The following CFAP20DC variants were observed in gnomAD, a reference collection of about 807,000 sequenced individuals.
CFAP20DC encodes the protein protein CFAP20DC.
CFAP20DC carries 84 observed loss-of-function variants against 101.7 expected under a neutral mutation model. That is an observed-to-expected ratio of 0.83 (90% confidence interval 0.69 to 0.99). The LOEUF is 0.99. CFAP20DC is among the 50% of genes least tolerant of loss of function. The probability of loss-of-function intolerance (pLI) is 0.00; values close to 1 mark genes in which losing one functional copy is unlikely to be tolerated. For synonymous variants in CFAP20DC, 359 were observed against 351.2 expected (o/e 1.02, Z -0.25); for missense variants, 1,007 against 970.3 (o/e 1.04, Z -0.50).
intron 14 of CFAP20DC, among the ~76,000 whole-genome samples, chr3:58,819,090 C>A (rs1240259204): frequency 6.7e-6 from 1 of 148,196 alleles, no homozygotes; most frequent in Non-Finnish European, 1.5e-5. Flanking sequence ...TCTTTGAAAC[C>A]AACGAGAACA....
At chr3:58,974,721 TGGAGGTTGTTAGGG>T (rs2092171220) in intron 4 of CFAP20DC, among the ~76,000 whole-genome samples, 1 of 152,038 alleles carries the variant, frequency 6.6e-6, no homozygotes, top group African/African-American at 2.4e-5. Context: ...GGTTTCCAGG[TGGAGGTTGTTAGGG>T]GGAGGGTGGT....
At chr3:58,906,287 ACACT>A (rs1280076098) in intron 6 of CFAP20DC, among the ~76,000 whole-genome samples, 11 of 152,302 alleles carry the variant, frequency 7.2e-5, no homozygotes, top group African/African-American at 2.4e-4. Flanking sequence ...TTGACCAAGG[ACACT>A]CAATTTGTCC....
intron 15 of CFAP20DC, among the ~76,000 whole-genome samples, chr3:58,800,389 G>T (rs1424856014): frequency 6.6e-6 from 1 of 152,190 alleles, no homozygotes; most frequent in Non-Finnish European, 1.5e-5. Flanking sequence ...GGACATTCAG[G>T]TGTATCAGAG....
intron 14 of CFAP20DC, among the ~76,000 whole-genome samples, chr3:58,817,833 A>C (rs1477518361): frequency 6.6e-6 from 1 of 152,022 alleles, no homozygotes; most frequent in Admixed American, 6.6e-5. Flanking sequence ...CAAGACACAT[A>C]ATTGTCAGAT....
At chr3:58,759,547 C>T (rs1233229260) in intron 15 of CFAP20DC, among the ~76,000 whole-genome samples, 2 of 152,190 alleles carry the variant, frequency 1.3e-5, no homozygotes, top group African/African-American at 2.4e-5. Flanking sequence ...AATTAGATCC[C>T]ATTTGTCAAT....
Position 59,033,107 on chromosome 3 carries a change from CCTGA to C in CFAP20DC, c.278+6446_278+6449del. ...CTCCAGCAGACCTGCAGCAGAGGGGCCTGACTGTTAGAAGAAAAACTAACAAGCA... is the reference window on the plus strand; with the variant it reads ...CTCCAGCAGACCTGCAGCAGAGGGGCCTGTTAGAAGAAAAACTAACAAGCA... On this transcript the variant is annotated intron_variant, in intron 4 of 16. Coordinates refer to ENST00000482387, the MANE Select transcript of CFAP20DC (RefSeq NM_001394063.1). 2.0e-5 allele frequency among the ~76,000 whole-genome samples: 3 copies of C among 152,196 alleles called. No homozygotes were observed. In the Middle Eastern group the frequency reaches 0.01, roughly 518 times the overall value.
At chr3:58,725,330 T>C (rs923082305) in intron 3 of CFAP20DC, among the ~76,000 whole-genome samples, 14 of 152,194 alleles carry the variant, frequency 9.2e-5, no homozygotes, top group African/African-American at 4.8e-5. Flanking sequence ...TAAGGAGTGA[T>C]CTGAAGTGGA....
intron 3 of CFAP20DC, among the ~76,000 whole-genome samples, chr3:58,718,343 C>T (rs1435894794): frequency 2.0e-5 from 3 of 152,166 alleles, no homozygotes; most frequent in Non-Finnish European, 4.4e-5. Context: ...TGCTAATTGG[C>T]TCCCAGCTAA....
downstream of CFAP20DC, among the ~76,000 whole-genome samples, chr3:58,741,169 CTTT>C (rs1276433898): frequency 6.6e-6 from 1 of 152,162 alleles, no homozygotes; most frequent in African/African-American, 2.4e-5. Context: ...TGGTACTCTT[CTTT>C]ATTAAAAAAT....
chr3:58,884,214 A>G (rs7653617), intron 7 of CFAP20DC, among the ~76,000 whole-genome samples: 15,204 of 152,188 alleles, frequency 0.1, 2,510 homozygotes, highest in African/African-American at 0.35. Context: ...CACAGGGGCT[A>G]AGTGTTAACT....
intron 5 of CFAP20DC, among the ~76,000 whole-genome samples, chr3:58,929,362 A>T (rs1020647353): frequency 1.3e-5 from 2 of 152,204 alleles, no homozygotes; most frequent in African/African-American, 4.8e-5. Context: ...GACAAATTTG[A>T]TTTATTAACT....
rs1044669945 is a variant in CFAP20DC at position 59,004,598 on chromosome 3, C to G, written c.278+34959G>C. Reference sequence around the variant, plus strand: ...TATTATCTTTTAAAAAAATTAGTTACCAACCTCTAAAAATTAGAAGTCGTC... The same window carrying G: ...TATTATCTTTTAAAAAAATTAGTTAGCAACCTCTAAAAATTAGAAGTCGTC... On this transcript the variant is annotated intron_variant, in intron 4 of 16. Coordinates refer to ENST00000482387, the MANE Select transcript of CFAP20DC (RefSeq NM_001394063.1). Among the ~76,000 whole-genome samples, 23 of 152,282 alleles carry G rather than the reference C, an allele frequency of 1.5e-4. No homozygotes were observed. The Middle Eastern group carries it at 0.01, about 68-fold the overall frequency.
chr3:58,776,450 G>A (rs896442023), intron 15 of CFAP20DC, among the ~76,000 whole-genome samples: 5 of 152,040 alleles, frequency 3.3e-5, no homozygotes, highest in African/African-American at 1.2e-4. Context: ...TGGCACCAGA[G>A]GAATCGACAT....
intron 4 of CFAP20DC, among the ~76,000 whole-genome samples, chr3:59,031,769 A>G (rs2093999303): frequency 6.6e-6 from 1 of 152,260 alleles, no homozygotes; most frequent in South Asian, 2.1e-4. Context: ...TAATATCTAA[A>G]TTCATATAAA....
intron 4 of CFAP20DC, among the ~76,000 whole-genome samples, chr3:59,030,848 G>A (rs1343698399): frequency 6.6e-6 from 1 of 151,922 alleles, no homozygotes; most frequent in Non-Finnish European, 1.5e-5. Flanking sequence ...TTTTGAGACG[G>A]AGTCTCGCTC....
chr3:58,979,983 G>A (rs377623230), intron 4 of CFAP20DC, among the ~76,000 whole-genome samples: 202 of 152,252 alleles, frequency 1.3e-3, no homozygotes, highest in African/African-American at 4.5e-3. Flanking sequence ...AGGACAGCAA[G>A]GTTGAAATGA....
rs1168524436 is a variant in CFAP20DC at position 59,015,060 on chromosome 3, T to A, written c.278+24497A>T. Among the ~76,000 whole-genome samples, 1 of 152,168 alleles carries A rather than the reference T, an allele frequency of 6.6e-6. No homozygotes were observed. The highest frequency in any genetic ancestry group is 1.9e-4 in the East Asian group (1 of 5,162). ...TGCGAGCTCATTTCTGAGGTTAGGA[T>A]GTGGATGGAGTAGTGACAATGAAGG... On this transcript the variant is annotated intron_variant, in intron 4 of 16. Transcript: ENST00000482387. The surrounding 1 kb of genome is among the most constrained non-coding windows in gnomAD (Gnocchi z 5.4).
At chr3:58,848,297 C>A (rs906498727) in intron 13 of CFAP20DC, among the ~76,000 whole-genome samples, 1 of 152,110 alleles carries the variant, frequency 6.6e-6, no homozygotes, top group African/African-American at 2.4e-5. Context: ...TTAATCCACT[C>A]TAACTTGCTT....
intron 4 of CFAP20DC, among the ~76,000 whole-genome samples, chr3:58,981,225 G>C (rs2092527797): frequency 6.6e-6 from 1 of 152,132 alleles, no homozygotes; most frequent in Admixed American, 6.5e-5. Context: ...ACAAATGAAA[G>C]AACATTCCAT....
Sources: allele counts gnomAD v4.1 joint callset (sites outside exome capture counted in the v4.1 genomes callset), GRCh38; gene constraint gnomAD v4.1.1; non-coding constraint Gnocchi (gnomAD v3.1); transcripts MANE v1.5; gene names NCBI Gene and HGNC (gene_info 2026-07-23, HGNC 2026-07-21).